The following CCSER1 variants were observed in gnomAD, a reference collection of about 807,000 sequenced individuals.
CCSER1 encodes coiled-coil serine rich protein 1, also known as serine-rich coiled-coil domain-containing protein 1.
A neutral mutation model predicts 82.0 loss-of-function variants in CCSER1; 41 were observed. The ratio of observed to expected loss-of-function variants is 0.50; its 90% CI spans 0.39 to 0.65. CCSER1 has a LOEUF of 0.65. Among genes scored for constraint, CCSER1 ranks in the 30% least tolerant of loss-of-function variants. The pLI is 0.00. For synonymous variants in CCSER1, 414 were observed against 383.9 expected, an observed-to-expected ratio of 1.08 and a Z score of -0.92; for missense variants, 1,119 against 1,064.2, an observed-to-expected ratio of 1.05 and a Z score of -0.72.
intron 6 of CCSER1, among the ~76,000 whole-genome samples, chr4:90,644,484 C>T (rs939349024): frequency 6.6e-6 from 1 of 151,832 alleles, no homozygotes; most frequent in Non-Finnish European, 1.5e-5. Context: ...TTTAATTTTA[C>T]ATTCCAGGAT....
intron 8 of CCSER1, among the ~76,000 whole-genome samples, chr4:90,846,851 G>C (rs1763287518): frequency 6.6e-6 from 1 of 152,080 alleles, no homozygotes; most frequent in Non-Finnish European, 1.5e-5. Context: ...ATTTCACCAT[G>C]TTGGCCAGGA....
At chr4:91,463,683 T>C (rs1756657779) in intron 10 of CCSER1, among the ~76,000 whole-genome samples, 1 of 152,148 alleles carries the variant, frequency 6.6e-6, no homozygotes, top group South Asian at 2.1e-4. Context: ...CTGAAAACCA[T>C]GGCACGAGAG....
intron 7 of CCSER1, among the ~76,000 whole-genome samples, chr4:90,761,867 A>C (rs1750460550): frequency 6.6e-6 from 1 of 152,132 alleles, no homozygotes; most frequent in South Asian, 2.1e-4. Flanking sequence ...GTGAGAAGAG[A>C]TGGCTCACAC....
At chr4:90,440,114 C>G (rs1246726363) in intron 4 of CCSER1, among the ~76,000 whole-genome samples, 2 of 152,004 alleles carry the variant, frequency 1.3e-5, no homozygotes, top group African/African-American at 4.8e-5. Context: ...AGTAATCATC[C>G]CACCTCAACC....
chr4:90,784,268 T>TC (rs1188325133), intron 7 of CCSER1, among the ~76,000 whole-genome samples: 1 of 152,150 alleles, frequency 6.6e-6, no homozygotes, highest in African/African-American at 2.4e-5. Flanking sequence ...ACCTGTCTTT[T>TC]CCCCATCATC....
chr4:91,096,129 C>A (rs532247241), intron 10 of CCSER1, among the ~76,000 whole-genome samples: 9 of 152,180 alleles, frequency 5.9e-5, no homozygotes, highest in Non-Finnish European at 1.2e-4. Flanking sequence ...GCACACCTTT[C>A]CACTGTATGT....
intron 10 of CCSER1, among the ~76,000 whole-genome samples, chr4:91,188,244 C>T (rs1320960589): frequency 6.6e-6 from 1 of 152,070 alleles, no homozygotes; most frequent in Non-Finnish European, 1.5e-5. Context: ...AATTATAGGA[C>T]TTACCAATGT....
intron 5 of CCSER1, among the ~76,000 whole-genome samples, chr4:90,568,588 G>T (rs1380979709): frequency 3.9e-5 from 6 of 151,934 alleles, no homozygotes; most frequent in African/African-American, 1.5e-4. Flanking sequence ...GCATATAGAT[G>T]GCTCTTGTAC....
chr4:91,504,554 A>G (rs1759384264), intron 10 of CCSER1, among the ~76,000 whole-genome samples: 1 of 152,174 alleles, frequency 6.6e-6, no homozygotes, highest in Admixed American at 6.5e-5. Context: ...TCATTATATC[A>G]TCACATATCA....
chr4:91,179,653 G>A (rs955916396), intron 10 of CCSER1, among the ~76,000 whole-genome samples: 5 of 152,156 alleles, frequency 3.3e-5, no homozygotes, highest in East Asian at 1.9e-4. Flanking sequence ...TCAGCTCCAC[G>A]AGGTCATTTA....
intron 10 of CCSER1, among the ~76,000 whole-genome samples, chr4:91,566,084 G>A (rs1015218926): frequency 2.0e-5 from 3 of 152,102 alleles, no homozygotes; most frequent in Admixed American, 1.3e-4. Context: ...AGTTTACTGA[G>A]AGTTTTTGAC....
At chr4:91,403,324 A>G (rs1209898307) in intron 10 of CCSER1, among the ~76,000 whole-genome samples, 1 of 152,190 alleles carries the variant, frequency 6.6e-6, no homozygotes, top group East Asian at 1.9e-4. Flanking sequence ...CTAAATATAC[A>G]ATCTTGTCAT....
intron 7 of CCSER1, among the ~76,000 whole-genome samples, chr4:90,740,014 A>T (rs1227023687): frequency 6.6e-6 from 1 of 152,092 alleles, no homozygotes; most frequent in East Asian, 1.9e-4. Flanking sequence ...GTTGGGGGGA[A>T]TGATTTCTGG....
chr4:90,570,679 A>G (rs1198142958), intron 5 of CCSER1, among the ~76,000 whole-genome samples: 6 of 152,100 alleles, frequency 3.9e-5, no homozygotes, highest in Non-Finnish European at 8.8e-5. Flanking sequence ...GACAACACCA[A>G]GGTCTAGGAA....
intron 1 of CCSER1, among the ~76,000 whole-genome samples, chr4:90,174,381 T>C (rs1732282760): frequency 6.6e-6 from 1 of 151,928 alleles, no homozygotes. Flanking sequence ...GAACAAAATA[T>C]ATAAAGCTCT....
chr4:90,918,778 AAC>A (rs1040695303), intron 8 of CCSER1, among the ~76,000 whole-genome samples: 1 of 144,034 alleles, frequency 6.9e-6, no homozygotes, highest in Admixed American at 7.0e-5. Flanking sequence ...CACACACACA[AAC>A]ACACACACAC....
intron 10 of CCSER1, among the ~76,000 whole-genome samples, chr4:91,582,304 C>G (rs1044572049): frequency 2.0e-5 from 3 of 151,518 alleles, no homozygotes; most frequent in Non-Finnish European, 4.4e-5. Context: ...CTTGTCTGAA[C>G]TGTTAGTTAA....
chr4:91,325,006 T>G, intron 10 of CCSER1: 1 of 349,770 alleles, frequency 2.9e-6, no homozygotes, highest in South Asian at 2.2e-5. Flanking sequence ...ATTTCCCCCT[T>G]ATTGTTCTAG....
chr4:90,854,016 G>C (rs1346345145), intron 8 of CCSER1, among the ~76,000 whole-genome samples: 1 of 152,078 alleles, frequency 6.6e-6, no homozygotes, highest in Non-Finnish European at 1.5e-5. Context: ...GAAGTATATA[G>C]TATAGTATGG....
Sources: allele counts gnomAD v4.1 joint callset (sites outside exome capture counted in the v4.1 genomes callset), GRCh38; gene constraint gnomAD v4.1.1; transcripts MANE v1.5; gene names NCBI Gene and HGNC (gene_info 2026-07-23, HGNC 2026-07-21).